RORA: variants seen among roughly 807,000 people sequenced by gnomAD.
RORA encodes the protein RAR related orphan receptor A.
In RORA, 7 loss-of-function variants were observed where a neutral mutation model predicts 69.5. The observed-to-expected ratio is 0.10, with a 90% CI of 0.06 to 0.19. The LOEUF is 0.19. Ranked by LOEUF, RORA falls within the 10% of genes least tolerant of loss-of-function variation. RORA has a pLI of 1.00. For synonymous variants in RORA, 261 were observed against 240.8 expected (o/e 1.08, Z -0.78); for missense variants, 457 against 663.0 (o/e 0.69, Z 3.41).
chr15:61,211,498 C>T (rs1443100836), intron 1 of RORA, among the ~76,000 whole-genome samples: 1 of 152,176 alleles, frequency 6.6e-6, no homozygotes. Flanking sequence ...CCAGTTTCGC[C>T]CACACCATAA....
chr15:61,040,127 TATATATATATATATATATATATATATATA>T (rs1222619768), intron 1 of RORA, among the ~76,000 whole-genome samples: 15 of 81,512 alleles, frequency 1.8e-4, no homozygotes, highest in Non-Finnish European at 3.4e-4. Context: ...TATATATATA[TATATATATATATATATATATATATATATA>T]TATATATAAA....
chr15:61,039,916 G>A (rs1047980392), intron 1 of RORA, among the ~76,000 whole-genome samples: 2 of 151,208 alleles, frequency 1.3e-5, no homozygotes, highest in Non-Finnish European at 2.9e-5. Context: ...AAAGGACCCA[G>A]GTAATTCTGA....
chr15:60,898,397 C>A (rs1749383320), intron 1 of RORA, among the ~76,000 whole-genome samples: 1 of 152,106 alleles, frequency 6.6e-6, no homozygotes, highest in South Asian at 2.1e-4. Flanking sequence ...GGCAGGGGAG[C>A]TGGCCCCGGT....
intron 1 of RORA, among the ~76,000 whole-genome samples, chr15:60,789,987 C>A (rs975538657): frequency 2.0e-5 from 3 of 152,260 alleles, no homozygotes; most frequent in Non-Finnish European, 4.4e-5. Context: ...ATAGATGATA[C>A]AACCGATAAG....
chr15:60,797,200 G>T (rs2072511376), intron 1 of RORA, among the ~76,000 whole-genome samples: 1 of 151,954 alleles, frequency 6.6e-6, no homozygotes, highest in Non-Finnish European at 1.5e-5. Flanking sequence ...TAGTGTCATG[G>T]TTGCATAACT....
intron 1 of RORA, among the ~76,000 whole-genome samples, chr15:60,985,336 A>G (rs922777849): frequency 8.5e-5 from 13 of 152,076 alleles, no homozygotes; most frequent in African/African-American, 2.4e-4. Flanking sequence ...GCGTAAATTA[A>G]ATGTCGTCTC....
intron 1 of RORA, among the ~76,000 whole-genome samples, chr15:60,907,134 T>C (rs1891568069): frequency 1.3e-5 from 2 of 152,102 alleles, no homozygotes; most frequent in Non-Finnish European, 2.9e-5. Context: ...AACATTATCA[T>C]CATCACCACC....
chr15:60,982,433 A>G (rs779976162), intron 1 of RORA, among the ~76,000 whole-genome samples: 1 of 152,130 alleles, frequency 6.6e-6, no homozygotes, highest in African/African-American at 2.4e-5. Flanking sequence ...GTTTCCCCCA[A>G]TTGTTATCCA....
At chr15:60,969,728 G>C (rs1199319302) in intron 1 of RORA, among the ~76,000 whole-genome samples, 1 of 152,152 alleles carries the variant, frequency 6.6e-6, no homozygotes, top group Admixed American at 6.5e-5. Context: ...CTCACAGTTA[G>C]GTACATGGTT....
At chr15:61,084,149 C>T (rs905723069) in intron 1 of RORA, among the ~76,000 whole-genome samples, 13 of 152,200 alleles carry the variant, frequency 8.5e-5, no homozygotes, top group African/African-American at 2.7e-4. Context: ...TCCCCTAACT[C>T]GAATTTTCTG....
rs1047147639 is a variant in RORA at position 60,720,091 on chromosome 15, A to G, written c.167-41405T>C. Among the ~76,000 whole-genome samples, 11 of 152,302 alleles carry G rather than the reference A, an allele frequency of 7.2e-5. No individual in the cohort carries two copies. In the East Asian group the frequency reaches 1.9e-3, roughly 27 times the overall value. ...TTTGAAGACGGAAGAAGCACTAAAC[A>G]GGAAGCAGGAGCCTAAAATCGAGTT... On this transcript the variant is annotated intron_variant, in intron 1 of 10. Transcript: ENST00000335670.
intron 1 of RORA, among the ~76,000 whole-genome samples, chr15:61,211,128 C>T (rs936467608): frequency 3.9e-5 from 6 of 152,106 alleles, no homozygotes; most frequent in African/African-American, 1.4e-4. Flanking sequence ...CAAAGAAAGG[C>T]TCTGCTGTCC....
intron 2 of RORA, among the ~76,000 whole-genome samples, chr15:60,550,056 AC>A (rs1261907100): frequency 6.6e-6 from 1 of 152,194 alleles, no homozygotes; most frequent in African/African-American, 2.4e-5. Context: ...ACTTTGAAAG[AC>A]CGTGGTAGGT....
chr15:60,773,265 T>C, intron 1 of RORA, among the ~76,000 whole-genome samples: 1 of 152,210 alleles, frequency 6.6e-6, no homozygotes, highest in Admixed American at 6.5e-5. Context: ...GAATGATCTT[T>C]ATATACTCGG....
chr15:61,051,419 C>T (rs1238194938), intron 1 of RORA, among the ~76,000 whole-genome samples: 2 of 152,204 alleles, frequency 1.3e-5, no homozygotes, highest in Non-Finnish European at 2.9e-5. Flanking sequence ...CACTCAGCAG[C>T]AGCCTGGGCA....
intron 1 of RORA, among the ~76,000 whole-genome samples, chr15:60,867,414 A>T (rs1256111214): frequency 6.6e-6 from 1 of 152,152 alleles, no homozygotes; most frequent in African/African-American, 2.4e-5. Flanking sequence ...AATTGAGTTT[A>T]ATTGTAGAAC....
intron 1 of RORA, among the ~76,000 whole-genome samples, chr15:60,860,114 C>T (rs187793717): frequency 2.0e-5 from 3 of 152,266 alleles, no homozygotes; most frequent in South Asian, 2.1e-4. Flanking sequence ...TCTTCCCTCT[C>T]GAGGTTTCAA....
At chr15:60,778,232 T>C (rs1228782206) in intron 1 of RORA, among the ~76,000 whole-genome samples, 1 of 151,542 alleles carries the variant, frequency 6.6e-6, no homozygotes, top group Admixed American at 6.6e-5. Context: ...TTTTTGTTTG[T>C]TTGTTTGTTT....
chr15:60,687,289 C>A (rs1337719598), intron 1 of RORA, among the ~76,000 whole-genome samples: 2 of 152,050 alleles, frequency 1.3e-5, no homozygotes, highest in Non-Finnish European at 1.5e-5. Context: ...TATAGAATAC[C>A]ATGGGTCCAT....
Sources: allele counts gnomAD v4.1 joint callset (sites outside exome capture counted in the v4.1 genomes callset), GRCh38; gene constraint gnomAD v4.1.1; transcripts MANE v1.5; gene names NCBI Gene and HGNC (gene_info 2026-07-23, HGNC 2026-07-21).